Variants in FAM53B observed in about 807,000 individuals in gnomAD.
The protein encoded by FAM53B is family with sequence similarity 53 member B, also known as protein FAM53B.
FAM53B carries 12 observed loss-of-function variants against 32.7 expected under a neutral mutation model. That is an observed-to-expected ratio of 0.37 (90% CI 0.24 to 0.59). The LOEUF (loss-of-function observed/expected upper bound fraction) is 0.59. FAM53B is among the 20% of genes least tolerant of loss of function. FAM53B has a pLI of 0.72. For synonymous variants in FAM53B, 234 were observed against 228.7 expected (o/e 1.02, Z -0.21); for missense variants, 477 against 577.7 (o/e 0.83, Z 1.79).
Position 124,695,192 on chromosome 10 carries a change from G to A in FAM53B, c.133+966C>T, listed in dbSNP as rs547439882. Among the ~76,000 whole-genome samples the A allele has an allele frequency of 3.3e-5, 5 of 152,308 alleles. No individual in the cohort carries two copies. The East Asian group carries it at 9.6e-4, about 29-fold the overall frequency. On this transcript the variant is annotated intron_variant, in intron 3 of 4. Coordinates refer to ENST00000337318, the MANE Select transcript of FAM53B (RefSeq NM_014661.4). ...TAACCTTTGAATCTGAAAGCCCACAGTCATCATCATCTATCATCTGAGAGT... is the reference window on the plus strand; with the variant it reads ...TAACCTTTGAATCTGAAAGCCCACAATCATCATCATCTATCATCTGAGAGT...
intron 4 of FAM53B, among the ~76,000 whole-genome samples, chr10:124,654,935 G>C (rs952321639): frequency 5.3e-5 from 8 of 152,234 alleles, no homozygotes; most frequent in Non-Finnish European, 1.2e-4. Context: ...AGACAGGCAG[G>C]AAATGCACAA....
chr10:124,682,064 C>G lies in FAM53B; in HGVS notation c.449G>C (p.Gly150Ala). 1 of 1,613,654 alleles carries G rather than the reference C, an allele frequency of 6.2e-7. No individual in the cohort carries two copies. The highest frequency in any genetic ancestry group is 8.5e-7 in the Non-Finnish European group (1 of 1,179,790). Residue 150 changes from glycine to alanine, a missense_variant, in exon 4 of 5, where the codon GGC (glycine) becomes GCC (alanine). Transcript: ENST00000337318. This position sits in a 1 kb window ranked among gnomAD's most constrained non-coding sequence, Gnocchi z 5.2. Reference sequence around the variant, plus strand: ...GCCGTTGGAATAGCGCTGGACGCTGCCCCCGCTGTAGCAGCGTCTCTTTTC... The same window carrying G: ...GCCGTTGGAATAGCGCTGGACGCTGGCCCCGCTGTAGCAGCGTCTCTTTTC... ...PVEKRRCYSGGSVQRYSNGFS... is the reference protein window; with the variant it reads ...PVEKRRCYSGASVQRYSNGFS...
At chr10:124,656,155 A>C (rs1263213759) in intron 4 of FAM53B, among the ~76,000 whole-genome samples, 1 of 152,246 alleles carries the variant, frequency 6.6e-6, no homozygotes, top group East Asian at 1.9e-4. Flanking sequence ...AATGAGGAGG[A>C]GGCCTGGATT....
intron 3 of FAM53B, among the ~76,000 whole-genome samples, chr10:124,683,107 T>C (rs1189444802): frequency 6.6e-6 from 1 of 152,232 alleles, no homozygotes; most frequent in African/African-American, 2.4e-5. Flanking sequence ...TTCACAGACT[T>C]AAGGGAACCA....
In FAM53B at chr10:124,620,495, T is replaced by C. The variant is rs988422810; in HGVS notation, c.*2747A>G. ...CAGAGGCAGGGTTTGTGGGCAAGGC[T>C]GTGACAAAAGTAAGGCTCCTGCCAC... On this transcript the variant is annotated 3_prime_UTR_variant, in exon 5 of 5. Transcript: ENST00000337318. 1 of 152,322 alleles carries C rather than the reference T, an allele frequency of 6.6e-6. No homozygotes were observed. The highest frequency in any genetic ancestry group is 2.4e-5 in the African/African-American group (1 of 41,466). The allele number at this position is 152,322 out of a possible 1,614,324, so 9.4% of individuals were successfully genotyped here.
At chr10:124,669,483 G>A (rs1018947535) in intron 4 of FAM53B, among the ~76,000 whole-genome samples, 3 of 152,206 alleles carry the variant, frequency 2.0e-5, no homozygotes, top group African/African-American at 2.4e-5. Flanking sequence ...CAGGGCCACC[G>A]GGGATTCACT....
rs960784927 is a variant in FAM53B at position 124,622,950 on chromosome 10, A to G, written c.*292T>C. 4.1e-5 allele frequency: 15 copies of G among 363,796 alleles called. No individual in the cohort carries two copies. Among genetic ancestry groups the G allele is most frequent in the Non-Finnish European group, 4.5e-5 (9 of 200,202 alleles). The allele number at this position is 363,796 out of a possible 1,614,324, so 22.5% of individuals were successfully genotyped here. On this transcript the variant is annotated 3_prime_UTR_variant, in exon 5 of 5. Coordinates refer to ENST00000337318, the MANE Select transcript of FAM53B (RefSeq NM_014661.4). ...AGACTGCCCAACATCCCACAGGGAA[A>G]GAGGCAGAAAAGACGCAAACTTCAA... is the stretch of plus-strand genomic sequence containing the variant.
intron 3 of FAM53B, among the ~76,000 whole-genome samples, chr10:124,688,654 A>G (rs1025604876): frequency 4.6e-5 from 7 of 152,242 alleles, no homozygotes; most frequent in African/African-American, 1.4e-4. Flanking sequence ...CAAGGACTCA[A>G]ATTCCCAAAT....
rs1239283838 is a variant in FAM53B at position 124,623,086 on chromosome 10, C to T, written c.*156G>A. ...TGACGCGGCCAGGCCAGGCTCTCCC[C>T]CAGGCAGCAGGTGGGCTCCCTCTCT... On this transcript the variant is annotated 3_prime_UTR_variant, in exon 5 of 5. Coordinates refer to ENST00000337318, the MANE Select transcript of FAM53B (RefSeq NM_014661.4). 2.0e-6 allele frequency: 2 copies of T among 1,001,014 alleles called. No individual in the cohort carries two copies. Among genetic ancestry groups the T allele is most frequent in the East Asian group, 5.1e-5 (2 of 39,224 alleles). The allele number at this position is 1,001,014 out of a possible 1,614,324, so 62.0% of individuals were successfully genotyped here.
Position 124,681,591 on chromosome 10 carries a change from C to T in FAM53B, c.906+16G>A. 6.4e-7 allele frequency: 1 copy of T among 1,563,106 alleles called. No individual in the cohort carries two copies. The highest frequency in any genetic ancestry group is 1.2e-5 in the South Asian group (1 of 84,620). ...CAGTGAGCACCAAGGTGACTCCAGGCTGCTGGGGCTCTTACCTGTGCCATC... is the reference window on the plus strand; with the variant it reads ...CAGTGAGCACCAAGGTGACTCCAGGTTGCTGGGGCTCTTACCTGTGCCATC... On this transcript the variant is annotated intron_variant, in intron 4 of 4. Transcript: ENST00000337318.
chr10:124,650,301 T>A (rs1949548221), intron 4 of FAM53B, among the ~76,000 whole-genome samples: 1 of 152,172 alleles, frequency 6.6e-6, no homozygotes, highest in Admixed American at 6.5e-5. Context: ...GCGGGACAGG[T>A]GTCGTCTACC....
chr10:124,642,764 A>T (rs1444548077), intron 4 of FAM53B, among the ~76,000 whole-genome samples: 2 of 152,168 alleles, frequency 1.3e-5, no homozygotes, highest in Non-Finnish European at 2.9e-5. Flanking sequence ...ATTAAATAGG[A>T]GCCAAGAATT....
intron 4 of FAM53B, among the ~76,000 whole-genome samples, chr10:124,643,605 TTCTC>T (rs1332171887): frequency 6.6e-6 from 1 of 152,240 alleles, no homozygotes; most frequent in Non-Finnish European, 1.5e-5. Context: ...CTGTGGGCCT[TTCTC>T]TCTCTTGTTT....
intron 2 of FAM53B, among the ~76,000 whole-genome samples, chr10:124,698,080 T>G (rs1457228848): frequency 2.6e-5 from 4 of 152,138 alleles, no homozygotes; most frequent in Non-Finnish European, 5.9e-5. Context: ...GGCGCCCAGT[T>G]TGCAGGCTCA....
At chr10:124,739,489 C>T (rs1388630822) in intron 1 of FAM53B, among the ~76,000 whole-genome samples, 1 of 152,224 alleles carries the variant, frequency 6.6e-6, no homozygotes, top group African/African-American at 2.4e-5. Context: ...GAATCTGTTT[C>T]TTTGTTTAAC....
intron 4 of FAM53B, among the ~76,000 whole-genome samples, chr10:124,665,602 G>A (rs1949665144): frequency 6.6e-6 from 1 of 152,222 alleles, no homozygotes; most frequent in East Asian, 1.9e-4. Flanking sequence ...ATTTCGTCCT[G>A]GCAACTGCTA....
At chr10:124,729,328 G>A (rs974352042) in intron 1 of FAM53B, among the ~76,000 whole-genome samples, 1 of 152,192 alleles carries the variant, frequency 6.6e-6, no homozygotes, top group Non-Finnish European at 1.5e-5. Flanking sequence ...GGTGGCAGTG[G>A]GATGGGAGGG....
intron 4 of FAM53B, among the ~76,000 whole-genome samples, chr10:124,624,313 G>T (rs1949331607): frequency 6.6e-6 from 1 of 152,208 alleles, no homozygotes; most frequent in Non-Finnish European, 1.5e-5. Flanking sequence ...AGCCATGCAG[G>T]GAGCTGGGGA....
intron 1 of FAM53B, among the ~76,000 whole-genome samples, chr10:124,734,412 C>T (rs1229314241): frequency 6.6e-6 from 1 of 152,242 alleles, no homozygotes; most frequent in Non-Finnish European, 1.5e-5. Flanking sequence ...CAGTGACACA[C>T]CCAAGGAGGA....
Sources: gnomAD v4.1 joint callset for allele counts (sites outside exome capture counted in the v4.1 genomes callset) on GRCh38, gnomAD v4.1.1 for gene constraint, Gnocchi (gnomAD v3.1) non-coding constraint, MANE v1.5 for transcripts, NCBI Gene and HGNC (gene_info 2026-07-23, HGNC 2026-07-21) for gene names.